Variants in CCDC171 observed in about 807,000 individuals in gnomAD.
The protein encoded by CCDC171 is coiled-coil domain-containing protein 171.
In CCDC171, 177 loss-of-function variants were observed where a neutral mutation model predicts 168.2. The ratio of observed to expected loss-of-function variants is 1.05; its 90% CI spans 0.93 to 1.19. CCDC171 has a LOEUF of 1.19. Among genes scored for constraint, CCDC171 ranks in the 50% most tolerant of loss-of-function variants. The pLI, the probability that CCDC171 is intolerant of heterozygous loss-of-function variation, is 0.00. For missense variants in CCDC171, 1,991 were observed against 1,539.0 expected (o/e 1.29, Z -4.91); for synonymous variants, 687 against 540.8 (o/e 1.27, Z -3.75).
At chr9:15,731,772 G>C (rs1210888779) in intron 16 of CCDC171, among the ~76,000 whole-genome samples, 1 of 152,018 alleles carries the variant, frequency 6.6e-6, no homozygotes, top group Admixed American at 6.6e-5. Context: ...ACTGTCAAAA[G>C]TTTCTAAAAA....
chr9:15,603,610 C>A (rs1035431447), intron 6 of CCDC171, among the ~76,000 whole-genome samples: 1 of 152,122 alleles, frequency 6.6e-6, no homozygotes, highest in Non-Finnish European at 1.5e-5. Flanking sequence ...GCATAGTATT[C>A]TATGGTGTAT....
rs539406207 is a variant in CCDC171, at chr9:15,937,083, G to A, written c.3753+16661G>A. ...GAATAGTATTTTTAAAGAGTTGACT[G>A]ACATAAGAATTAATTTTAATTCCTT... On this transcript the variant is annotated intron_variant, in intron 25 of 25. Transcript: ENST00000380701. 1.6e-4 allele frequency among the ~76,000 whole-genome samples: 24 copies of A among 152,174 alleles called. No individual in the cohort carries two copies. The East Asian group carries it at 4.3e-3, about 27-fold the overall frequency.
At chr9:15,595,939 A>G (rs761896233) in intron 6 of CCDC171, among the ~76,000 whole-genome samples, 98 of 152,176 alleles carry the variant, frequency 6.4e-4, no homozygotes, top group Non-Finnish European at 1.2e-3. Flanking sequence ...GGCTGCAGAA[A>G]TGTCTTCTTT....
intron 24 of CCDC171, among the ~76,000 whole-genome samples, chr9:15,908,060 C>A: frequency 6.6e-6 from 1 of 151,500 alleles, no homozygotes. Flanking sequence ...GTTGGTGGGA[C>A]TGTAAACTAG....
At chr9:16,076,830 C>T in the CCDC171 span, among the ~76,000 whole-genome samples, 1 of 152,144 alleles carries the variant, frequency 6.6e-6, no homozygotes, top group Admixed American at 6.5e-5. Flanking sequence ...GGCTCCATAT[C>T]GTGGGCCTGC....
Position 15,908,261 on chromosome 9 carries a change from T to C in CCDC171, c.3601-12009T>C, listed in dbSNP as rs574598521. 8.8e-4 allele frequency among the ~76,000 whole-genome samples: 134 copies of C among 152,302 alleles called. 1 individual carries two copies. The highest frequency in any genetic ancestry group is 2.8e-3 in the African/African-American group (118 of 41,568). On this transcript the variant is annotated intron_variant, in intron 24 of 25. Coordinates refer to ENST00000380701, the MANE Select transcript of CCDC171 (RefSeq NM_173550.4). ...CAAAGACTTGGAACTAACCCAAATG[T>C]CCAACCATGATAGACTGGATTAAGA...
At chr9:15,951,014 A>T (rs1829093170) in intron 25 of CCDC171, among the ~76,000 whole-genome samples, 1 of 150,580 alleles carries the variant, frequency 6.6e-6, no homozygotes, top group Non-Finnish European at 1.5e-5. Context: ...ACAAAGATCA[A>T]AAGAGACAAA....
At chr9:16,073,557 G>T in the CCDC171 span, among the ~76,000 whole-genome samples, 1 of 152,010 alleles carries the variant, frequency 6.6e-6, no homozygotes, top group Non-Finnish European at 1.5e-5. Context: ...TTCCATTTAG[G>T]TTAGTGGTTT....
At chr9:15,692,621 G>T (rs986548301) in intron 10 of CCDC171, among the ~76,000 whole-genome samples, 1 of 150,476 alleles carries the variant, frequency 6.6e-6, no homozygotes, top group Non-Finnish European at 1.5e-5. Flanking sequence ...TCCGCCCCCT[G>T]GGTTCACGCC....
At chr9:15,992,078 A>G (rs1254526252) in intron 3 of CCDC171, among the ~76,000 whole-genome samples, 1 of 152,240 alleles carries the variant, frequency 6.6e-6, no homozygotes, top group Non-Finnish European at 1.5e-5. Context: ...AACTCATTTT[A>G]TGAGGCCAGC....
chr9:15,601,973 G>A (rs10810408), intron 6 of CCDC171, among the ~76,000 whole-genome samples: 71,403 of 151,936 alleles, frequency 0.47, 17,188 homozygotes, highest in East Asian at 0.75. Context: ...AAGTTTATAT[G>A]TGAAGTACTA....
intron 6 of CCDC171, among the ~76,000 whole-genome samples, chr9:15,622,798 T>C (rs2044607671): frequency 6.6e-6 from 1 of 152,172 alleles, no homozygotes; most frequent in African/African-American, 2.4e-5. Flanking sequence ...AGCCATCTAG[T>C]GGATGCAATT....
At chr9:15,666,659 C>CA (rs889947935) in intron 9 of CCDC171, among the ~76,000 whole-genome samples, 3 of 151,156 alleles carry the variant, frequency 2.0e-5, no homozygotes, top group Non-Finnish European at 4.4e-5. Context: ...TTTGTCTCTA[C>CA]AAAAAAAATA....
chr9:16,011,692 G>A (rs895613633), intron 3 of CCDC171, among the ~76,000 whole-genome samples: 17 of 152,202 alleles, frequency 1.1e-4, no homozygotes, highest in African/African-American at 3.6e-4. Flanking sequence ...TCTGAGTTCC[G>A]ATTTTGCACT....
At chr9:15,953,913 GT>G (rs1829485274) in intron 25 of CCDC171, among the ~76,000 whole-genome samples, 1 of 151,840 alleles carries the variant, frequency 6.6e-6, no homozygotes, top group Non-Finnish European at 1.5e-5. Context: ...TAGGTTTTAT[GT>G]TTCTAGGGAA....
At chr9:15,590,779 T>TTCTTTCTCTC (rs1554693086) in intron 4 of CCDC171, among the ~76,000 whole-genome samples, 19 of 115,178 alleles carry the variant, frequency 1.6e-4, no homozygotes, top group South Asian at 3.0e-4. Context: ...TTCTCTTTCT[T>TTCTTTCTCTC]TCTTTCTTTC....
rs368595197 is a variant in CCDC171, at chr9:15,623,273, G to C, written c.682G>C (p.Asp228His). ...RELQFIVQEQ[D>H]TAVQNMHKKV... ...AAAATGAATTATTTTCCAGGAGCAA[G>C]ATACTGCTGTGCAAAATATGCATAA... Residue 228 changes from aspartate (D) to histidine (H), a missense_variant, in exon 7 of 26, where the codon GAT (aspartate) becomes CAT (histidine). Transcript: ENST00000380701. 3.8e-6 allele frequency: 6 copies of C among 1,573,248 alleles called. No homozygotes were observed. In the African/African-American group the frequency reaches 8.1e-5, roughly 21 times the overall value.
chr9:16,065,793 A>G (rs118062676), downstream of CCDC171, among the ~76,000 whole-genome samples: 1,153 of 141,228 alleles, frequency 8.2e-3, 30 homozygotes, highest in Admixed American at 0.054. Context: ...GCACCCACCT[A>G]TGGGTTTGTG....
At chr9:15,891,253 G>A (rs567905182) in intron 24 of CCDC171, among the ~76,000 whole-genome samples, 9 of 152,286 alleles carry the variant, frequency 5.9e-5, no homozygotes, top group Admixed American at 2.0e-4. Flanking sequence ...TGAGTCAGTA[G>A]CTTAAATGCA....
Sources: gnomAD v4.1 joint callset for allele counts (sites outside exome capture counted in the v4.1 genomes callset) on GRCh38, gnomAD v4.1.1 for gene constraint, MANE v1.5 for transcripts, NCBI Gene and HGNC (gene_info 2026-07-23, HGNC 2026-07-21) for gene names.